PARD3: variants seen among roughly 807,000 people sequenced by gnomAD.
PARD3 encodes partitioning defective 3 homolog.
PARD3 carries 75 observed loss-of-function variants against 155.4 expected under a neutral mutation model. The ratio of observed to expected loss-of-function variants is 0.48; its 90% confidence interval spans 0.40 to 0.58. PARD3 has a LOEUF of 0.58. Among genes scored for constraint, PARD3 ranks in the 20% least tolerant of loss-of-function variants. The probability of loss-of-function intolerance (pLI) is 0.00; values close to 1 mark genes in which losing one functional copy is unlikely to be tolerated. For synonymous variants in PARD3, 576 were observed against 610.5 expected (o/e 0.94, Z 0.83); for missense variants, 1,642 against 1,721.7 (o/e 0.95, Z 0.82).
chr10:34,641,778 G>A (rs889941507), intron 2 of PARD3, among the ~76,000 whole-genome samples: 2 of 152,174 alleles, frequency 1.3e-5, no homozygotes, highest in Non-Finnish European at 2.9e-5. Flanking sequence ...GGAGGCATGC[G>A]CCTCGTGGGA....
At position 34,144,697 on chromosome 10, in the gene PARD3, C is replaced by T. The variant is rs1052289696; in HGVS notation, c.3420-13114G>A. ...GGTAGATGAAGCATTAGCTCTCTTA[C>T]ACTCAAATCCAAATTCTGACTCCAA... On this transcript the variant is annotated intron_variant, in intron 22 of 24. Transcript: ENST00000374788. 3.3e-5 allele frequency among the ~76,000 whole-genome samples: 5 copies of T among 152,214 alleles called. No homozygotes were observed. The South Asian group carries it at 8.3e-4, about 25-fold the overall frequency.
At chr10:34,274,122 T>C (rs895633112) in intron 21 of PARD3, among the ~76,000 whole-genome samples, 7 of 152,148 alleles carry the variant, frequency 4.6e-5, no homozygotes, top group Non-Finnish European at 1.0e-4. Flanking sequence ...CAAAAGTGAA[T>C]ATTAGGAAGT....
At chr10:34,205,531 A>G (rs1463093406) in intron 22 of PARD3, among the ~76,000 whole-genome samples, 1 of 152,174 alleles carries the variant, frequency 6.6e-6, no homozygotes, top group Non-Finnish European at 1.5e-5. Flanking sequence ...TTAATCCTGT[A>G]TGAGTGCGGT....
chr10:34,258,964 G>A (rs1433734750), intron 22 of PARD3, among the ~76,000 whole-genome samples: 3 of 152,090 alleles, frequency 2.0e-5, no homozygotes, highest in Non-Finnish European at 4.4e-5. Flanking sequence ...AGCTACTCGA[G>A]AGGCTGAGGT....
intron 4 of PARD3, among the ~76,000 whole-genome samples, chr10:34,460,751 T>A (rs2077596165): frequency 6.6e-6 from 1 of 152,030 alleles, no homozygotes; most frequent in African/African-American, 2.4e-5. Context: ...GAGAATGGCA[T>A]GAACCTGGGA....
chr10:34,805,365 G>A (rs960555656), intron 1 of PARD3, among the ~76,000 whole-genome samples: 1 of 151,728 alleles, frequency 6.6e-6, no homozygotes, highest in Non-Finnish European at 1.5e-5. Context: ...TCAAATACAA[G>A]AAGGGAAAAA....
chr10:34,339,465 A>C (rs1480217460), intron 16 of PARD3, among the ~76,000 whole-genome samples: 1 of 152,236 alleles, frequency 6.6e-6, no homozygotes, highest in African/African-American at 2.4e-5. Flanking sequence ...ATTGTTGGTA[A>C]AAGATTTTTC....
At chr10:34,139,793 A>G (rs1229491449) in intron 22 of PARD3, among the ~76,000 whole-genome samples, 1 of 152,228 alleles carries the variant, frequency 6.6e-6, no homozygotes, top group East Asian at 1.9e-4. Context: ...GTGGATACAA[A>G]CAAGTTCTTG....
chr10:34,271,439 T>C (rs1955606671), intron 21 of PARD3, among the ~76,000 whole-genome samples: 1 of 152,046 alleles, frequency 6.6e-6, no homozygotes, highest in African/African-American at 2.4e-5. Context: ...TATTAACAGA[T>C]CAAAGAAGAA....
At chr10:34,774,876 A>G (rs952195493) in intron 1 of PARD3, among the ~76,000 whole-genome samples, 1 of 152,166 alleles carries the variant, frequency 6.6e-6, no homozygotes, top group Admixed American at 6.5e-5. Flanking sequence ...ATTTGATATA[A>G]TTTTTCATTT....
At chr10:34,699,328 TA>T (rs5784426) in intron 1 of PARD3, among the ~76,000 whole-genome samples, 114 of 151,820 alleles carry the variant, frequency 7.5e-4, no homozygotes, top group African/African-American at 2.6e-3. Flanking sequence ...GCATTAAAAA[TA>T]AAAAAATAAT....
At chr10:34,594,368 G>C (rs886750306) in intron 2 of PARD3, among the ~76,000 whole-genome samples, 1 of 152,154 alleles carries the variant, frequency 6.6e-6, no homozygotes, top group African/African-American at 2.4e-5. Context: ...AGTGTGTACA[G>C]GCACTGCTGT....
intron 20 of PARD3, among the ~76,000 whole-genome samples, chr10:34,285,102 A>G (rs148930844): frequency 1.2e-4 from 19 of 152,310 alleles, no homozygotes; most frequent in African/African-American, 3.4e-4. Context: ...CATGCACTCT[A>G]TATCCATAAG....
chr10:34,366,068 T>TC (rs1035944701), intron 12 of PARD3, among the ~76,000 whole-genome samples: 3 of 152,146 alleles, frequency 2.0e-5, no homozygotes, highest in Admixed American at 6.5e-5. Flanking sequence ...ATACAAAAAA[T>TC]CCATTGTATA....
At chr10:34,668,104 T>C (rs929352563) in intron 2 of PARD3, among the ~76,000 whole-genome samples, 1 of 151,950 alleles carries the variant, frequency 6.6e-6, no homozygotes, top group Admixed American at 6.6e-5. Flanking sequence ...CTACCACGGG[T>C]TCGTAAATGC....
chr10:34,507,550 A>AAAAAAAAAAAAC (rs61653196), intron 3 of PARD3, among the ~76,000 whole-genome samples: 2,038 of 129,106 alleles, frequency 0.016, 65 homozygotes, highest in African/African-American at 0.063. Context: ...TAAAAAAACA[A>AAAAAAAAAAAAC]AAAAAAAAAA....
chr10:34,160,071 A>G (rs115003574), intron 22 of PARD3, among the ~76,000 whole-genome samples: 3 of 152,230 alleles, frequency 2.0e-5, no homozygotes, highest in Admixed American at 6.5e-5. Flanking sequence ...AAAAGAGACT[A>G]AAGTATTTTA....
chr10:34,596,243 T>C (rs1286281447), intron 2 of PARD3, among the ~76,000 whole-genome samples: 1 of 152,066 alleles, frequency 6.6e-6, no homozygotes, highest in African/African-American at 2.4e-5. Context: ...TTACTTTTTT[T>C]TTTTTAAGGA....
intron 1 of PARD3, among the ~76,000 whole-genome samples, chr10:34,711,205 T>C (rs7896975): frequency 0.037 from 5,562 of 151,912 alleles, 358 homozygotes; most frequent in African/African-American, 0.13. Flanking sequence ...TCCCCCTCCA[T>C]GAAATGTGCT....
Sources: gnomAD v4.1 joint callset for allele counts (sites outside exome capture counted in the v4.1 genomes callset) on GRCh38, gnomAD v4.1.1 for gene constraint, MANE v1.5 for transcripts, NCBI Gene and HGNC (gene_info 2026-07-23, HGNC 2026-07-21) for gene names.